The following KRTCAP3 variants were observed in gnomAD, a reference collection of about 807,000 sequenced individuals.
KRTCAP3 encodes the protein keratinocyte associated protein 3.
In KRTCAP3, 18 loss-of-function variants were observed where a neutral mutation model predicts 20.5. That is an observed-to-expected ratio of 0.88 (90% confidence interval 0.61 to 1.31). The LOEUF is 1.31. Ranked by LOEUF, KRTCAP3 falls within the 50% of genes most tolerant of loss-of-function variation. KRTCAP3 has a pLI of 0.00. For missense variants in KRTCAP3, 347 were observed against 310.4 expected (o/e 1.12, Z -0.89); for synonymous variants, 167 against 133.7 (o/e 1.25, Z -1.72).
Position 27,443,491 on chromosome 2 carries a change from C to A in KRTCAP3, c.574C>A (p.Arg192Ser). ...GYCCVAALTL[R>S]GVGPCRKDGL... is the part of the protein sequence containing the mutation. ...CTGCTGTGTGGCTGCACTCACTCTA[C>A]GTGGAGTTGGGCCCTGCAGGAAGGA... The change falls in exon 5 of 7, where the codon CGT (arginine) becomes AGT (serine). Residue 192 changes from arginine (R) to serine (S), a missense_variant. Arg to Ser is a moderately radical substitution (Grantham distance 110, BLOSUM62 -1). Transcript: ENST00000288873. The A allele has an allele frequency of 6.2e-7, 1 of 1,614,052 alleles. No homozygotes were observed. Among genetic ancestry groups the A allele is most frequent in the African/African-American group, 1.3e-5 (1 of 74,996 alleles).
rs768474355 is a variant in KRTCAP3 at position 27,443,107 on chromosome 2, C to G, written c.307C>G (p.Leu103Val). Residue 103 changes from leucine (L) to valine (V), a missense_variant, in exon 4 of 7, where the codon CTG becomes GTG. Physicochemically the swap from Leu to Val is conservative, Grantham distance 32. Transcript: ENST00000288873. ...WVLLALALVN[L>V]LLSVACSLGL... is the part of the protein sequence containing the mutation. ...CCTGCTGGCACTAGCTCTGGTGAACCTGCTCTTGTCCGTTGCCTGCTCCCT... is the reference window on the plus strand; with the variant it reads ...CCTGCTGGCACTAGCTCTGGTGAACGTGCTCTTGTCCGTTGCCTGCTCCCT... 7 of 1,614,056 alleles carry G rather than the reference C, an allele frequency of 4.3e-6. No homozygotes were observed. Among genetic ancestry groups the G allele is most frequent in the Non-Finnish European group, 5.1e-6 (6 of 1,180,026 alleles).
chr2:27,446,071 T>G, downstream of KRTCAP3: 1 of 1,534,894 alleles, frequency 6.5e-7, no homozygotes, highest in Non-Finnish European at 9.0e-7. Context: ...CAAATGGGAG[T>G]GAGCAAGCTG....
At chr2:27,446,458 T>C, downstream of KRTCAP3, 1 of 961,732 alleles carries the variant, frequency 1.0e-6, no homozygotes, top group South Asian at 1.4e-5. Context: ...CAACAATTAT[T>C]ATTAAACTGC....
chr2:27,446,470 C>T, downstream of KRTCAP3: 13 of 879,402 alleles, frequency 1.5e-5, no homozygotes, highest in South Asian at 1.1e-4. Context: ...TTAAACTGCT[C>T]TGGATTCTCA....
chr2:27,444,431 A>G, downstream of KRTCAP3: 1 of 1,603,876 alleles, frequency 6.2e-7, no homozygotes, highest in Non-Finnish European at 8.5e-7. Context: ...AGCTCTACCA[A>G]CTACTGAAAG....
chr2:27,443,815 G>T, intron 5 of KRTCAP3, 134 bp from the exon 6 acceptor site: 1 of 650,584 alleles, frequency 1.5e-6, no homozygotes, highest in East Asian at 2.7e-5. Context: ...GGCGGAGGTT[G>T]CAGTGAACCG....
At chr2:27,444,098 G>A (rs753039284) in intron 6 of KRTCAP3, 37 bp downstream of exon 6, 9 of 1,226,614 alleles carry the variant, frequency 7.3e-6, no homozygotes, top group African/African-American at 3.0e-5. Flanking sequence ...GGGTAAGAGC[G>A]GGGACAAGGA....
At chr2:27,444,543 T>C (rs780170408), downstream of KRTCAP3, 1 of 1,584,562 alleles carries the variant, frequency 6.3e-7, no homozygotes, top group African/African-American at 1.3e-5. Context: ...TGGAAGAACA[T>C]GAGAGGAACT....
chr2:27,444,125 GGT>G, intron 6 of KRTCAP3, 59 bp from the exon 7 acceptor site: 1 of 966,578 alleles, frequency 1.0e-6, no homozygotes, highest in Non-Finnish European at 1.7e-6. Context: ...CTTAGAACTG[GGT>G]CTAGGTCTTG....
chr2:27,444,112 G>T, intron 6 of KRTCAP3, 51 bp downstream of exon 6: 1 of 1,104,926 alleles, frequency 9.1e-7, no homozygotes, highest in South Asian at 1.3e-5. Flanking sequence ...ACAAGGAAGT[G>T]CTCTTAGAAC....
chr2:27,443,034 C>T (rs1664715190), intron 3 of KRTCAP3, 40 bp from the exon 4 acceptor site: 1 of 1,588,468 alleles, frequency 6.3e-7, no homozygotes, highest in Non-Finnish European at 8.6e-7. Context: ...GAGAGTTAGC[C>T]AGGCCCAGGC....
Position 27,442,430 on chromosome 2 carries a change from C to CT in KRTCAP3, c.19dup (p.Cys7LeufsTer125). On this transcript the variant is annotated frameshift_variant, in exon 1 of 7. Transcript: ENST00000288873. LOFTEE classifies it high-confidence loss of function. ...CGGACGGGATGAGGCGCTGCAGTCTCTGCGCTTTCGGTAACTTCCGGGCCC... is the reference window on the plus strand; with the variant it reads ...CGGACGGGATGAGGCGCTGCAGTCTCTTGCGCTTTCGGTAACTTCCGGGCCC... 6.4e-7 allele frequency: 1 copy of CT among 1,569,540 alleles called. No individual in the cohort carries two copies. Among genetic ancestry groups the CT allele is most frequent in the Non-Finnish European group, 8.6e-7 (1 of 1,158,102 alleles).
downstream of KRTCAP3, chr2:27,445,047 CT>C: frequency 6.2e-7 from 1 of 1,614,000 alleles, no homozygotes. The surrounding 1 kb of genome is among the most constrained non-coding windows in gnomAD (Gnocchi z 4.4). Context: ...TCCAGTTGTC[CT>C]TGTTAGCAGC....
Position 27,442,622 on chromosome 2 carries a change from G to A in KRTCAP3, c.72G>A (p.Ala24=), listed in dbSNP as rs1273253278. The A allele has an allele frequency of 6.4e-7, 1 of 1,570,148 alleles. No individual in the cohort carries two copies. Among genetic ancestry groups the A allele is most frequent in the Non-Finnish European group, 8.6e-7 (1 of 1,158,834 alleles). ...GPRRLMRVGL[A]LILVGHVNLL... is the part of the protein sequence containing the mutation. ...GGCGGCTGATGCGTGTGGGCCTCGC[G>A]CTGATCTTGGTGGGCCACGTGAACC... Residue 24 remains alanine, a synonymous_variant, in exon 2 of 7, where the codon GCG becomes GCA. Transcript: ENST00000288873.
At chr2:27,445,536 G>T, downstream of KRTCAP3, 1 of 1,446,698 alleles carries the variant, frequency 6.9e-7, no homozygotes, top group Non-Finnish European at 9.4e-7. This position sits in a 1 kb window ranked among gnomAD's most constrained non-coding sequence, Gnocchi z 4.4. Flanking sequence ...GGTTTGCTAA[G>T]CCCTCATCCT....
chr2:27,444,836 C>A (rs565409936), downstream of KRTCAP3, among the ~76,000 whole-genome samples: 1 of 152,062 alleles, frequency 6.6e-6, no homozygotes, highest in Non-Finnish European at 1.5e-5. Context: ...TTAGTAGAGA[C>A]GAGGTTTTAA....
At chr2:27,445,235 G>T (rs949178000), downstream of KRTCAP3, 2 of 1,584,598 alleles carry the variant, frequency 1.3e-6, no homozygotes, top group East Asian at 4.5e-5. The surrounding 1 kb of genome is among the most constrained non-coding windows in gnomAD (Gnocchi z 4.4). Flanking sequence ...GTAAAATTAA[G>T]TTTATTGATC....
Position 27,442,868 on chromosome 2 carries a change from C to G in KRTCAP3, c.240C>G (p.Leu80=). The change falls in exon 3 of 7, where the codon CTC becomes CTG. Residue 80 remains leucine (L), a synonymous_variant. Transcript: ENST00000288873. ...LLSVSVGLVA[L]LASRNLLRPP... is the part of the protein sequence containing the mutation. ...GCGTTTCCGTGGGACTTGTGGCCCT[C>G]CTGGCGTCCAGGAACCTTCTTCGCC... 1 of 1,612,590 alleles carries G rather than the reference C, an allele frequency of 6.2e-7. No individual in the cohort carries two copies. The highest frequency in any genetic ancestry group is 1.3e-5 in the African/African-American group (1 of 75,058).
Position 27,443,212 on chromosome 2 carries a change from G to A in KRTCAP3, c.412G>A (p.Asp138Asn). Residue 138 changes from aspartate (D) to asparagine (N), a missense_variant, in exon 4 of 7, where the codon GAT becomes AAT. Coordinates refer to ENST00000288873, the MANE Select transcript of KRTCAP3 (RefSeq NM_173853.4). Reference protein sequence around the residue: ...LIADCHPGLLDPLVPLDEGPG... With the variant: ...LIADCHPGLLNPLVPLDEGPG... The stretch of plus-strand genomic sequence containing the variant: ...TGCTGACTGCCACCCAGGACTGCTG[G>A]ATCCTCTGGTACCACTGGATGAGGG... 1 of 1,614,148 alleles carries A rather than the reference G, an allele frequency of 6.2e-7. No homozygotes were observed. Among genetic ancestry groups the A allele is most frequent in the Non-Finnish European group, 8.5e-7 (1 of 1,180,020 alleles).
Sources: gnomAD v4.1 joint callset for allele counts (sites outside exome capture counted in the v4.1 genomes callset) on GRCh38, gnomAD v4.1.1 for gene constraint, Gnocchi (gnomAD v3.1) non-coding constraint, MANE v1.5 for transcripts, NCBI Gene and HGNC (gene_info 2026-07-23, HGNC 2026-07-21) for gene names.